The following EVC variants were observed in gnomAD, a reference collection of about 807,000 sequenced individuals.
The protein encoded by EVC is evC complex member EVC.
A neutral mutation model predicts 118.9 loss-of-function variants in EVC; 116 were observed. The observed-to-expected ratio is 0.98, with a 90% CI of 0.84 to 1.14. The LOEUF is 1.14. Among genes scored for constraint, EVC ranks in the 50% most tolerant of loss-of-function variants. The pLI is 0.00. For missense variants in EVC, 1,401 were observed against 1,246.4 expected, an observed-to-expected ratio of 1.12 and a Z score of -1.87; for synonymous variants, 619 against 534.7, an observed-to-expected ratio of 1.16 and a Z score of -2.18.
At position 5,753,286 on chromosome 4, in the gene EVC, A is replaced by T. The variant is rs553072749; in HGVS notation, c.1315+234A>T. Among the ~76,000 whole-genome samples, 6 of 152,310 alleles carry T rather than the reference A, an allele frequency of 3.9e-5. No homozygotes were observed. The South Asian group carries it at 1.2e-3, about 32-fold the overall frequency. ...GCCCAGGGCAGGGGTCACCTGCTGC[A>T]CTCACTCACCAGGGATTCCGGCTGA... On this transcript the variant is annotated intron_variant, in intron 9 of 20. Coordinates refer to ENST00000264956, the MANE Select transcript of EVC (RefSeq NM_153717.3).
intron 16 of EVC, among the ~76,000 whole-genome samples, chr4:5,804,136 C>T (rs1253827856): frequency 6.6e-6 from 1 of 152,128 alleles, no homozygotes; most frequent in Non-Finnish European, 1.5e-5. Flanking sequence ...CAGGGTTTCA[C>T]CATGTTGGCC....
chr4:5,767,160 G>A (rs1480083219), intron 11 of EVC, among the ~76,000 whole-genome samples: 5 of 151,956 alleles, frequency 3.3e-5, no homozygotes, highest in South Asian at 2.1e-4. Context: ...GTACCCTGCT[G>A]TGTGAGGTGT....
chr4:5,793,911 T>G (rs891253043), intron 13 of EVC, among the ~76,000 whole-genome samples, 194 bp downstream of exon 13: 2 of 152,232 alleles, frequency 1.3e-5, no homozygotes, highest in Non-Finnish European at 2.9e-5. Context: ...TAGAGTTGTC[T>G]GTCATAGGAA....
chr4:5,809,434 G>T lies in EVC; in HGVS notation c.2689-84G>T. 4 of 1,218,632 alleles carry T rather than the reference G, an allele frequency of 3.3e-6. 1 individual carries two copies. The South Asian group carries it at 4.8e-5, about 15-fold the overall frequency. 75.5% of individuals were successfully genotyped at this position (1,218,632 alleles called of 1,614,324 possible). A position where few individuals can be genotyped will look rare whatever the true frequency, so the allele number is the denominator to read the frequency against. On this transcript the variant is annotated intron_variant, in intron 18 of 20. Coordinates refer to ENST00000264956, the MANE Select transcript of EVC (RefSeq NM_153717.3). ...CGTGGTCTTCAGTGGCCAGCCTCAA[G>T]TGTCAGAATTCACTCACGTGGAGAG...
chr4:5,775,176 C>A (rs192698531), intron 11 of EVC, among the ~76,000 whole-genome samples: 2 of 152,256 alleles, frequency 1.3e-5, no homozygotes, highest in Admixed American at 1.3e-4. Flanking sequence ...TGTCTCCTGG[C>A]AGAAAATTGG....
the EVC span, among the ~76,000 whole-genome samples, chr4:5,828,973 G>T: frequency 1.3e-5 from 2 of 152,014 alleles, no homozygotes; most frequent in Admixed American, 6.6e-5. Flanking sequence ...GACTGTACTG[G>T]ACATAAAAAT....
intron 15 of EVC, 100 bp from the exon 16 acceptor site, chr4:5,801,850 A>T: frequency 7.3e-7 from 1 of 1,376,958 alleles, no homozygotes; most frequent in Non-Finnish European, 1.0e-6. Context: ...AGTAGGTGGA[A>T]GATCTGAACC....
chr4:5,770,718 A>G (rs1023295324), intron 11 of EVC, among the ~76,000 whole-genome samples: 1 of 152,176 alleles, frequency 6.6e-6, no homozygotes, highest in East Asian at 1.9e-4. Flanking sequence ...CAGTTAATGT[A>G]TTAATGAATT....
At chr4:5,750,586 C>T (rs942267467) in intron 8 of EVC, among the ~76,000 whole-genome samples, 2 of 152,178 alleles carry the variant, frequency 1.3e-5, no homozygotes, top group African/African-American at 4.8e-5. Context: ...AATTTAACCT[C>T]TCTGTGATTT....
chr4:5,805,800 A>G (rs990860216), intron 17 of EVC, among the ~76,000 whole-genome samples: 2 of 151,952 alleles, frequency 1.3e-5, no homozygotes, highest in African/African-American at 4.8e-5. Flanking sequence ...AAGGGGGTGC[A>G]TGAGCCCATC....
At chr4:5,723,011 G>T (rs900940453) in intron 2 of EVC, among the ~76,000 whole-genome samples, 7 of 152,064 alleles carry the variant, frequency 4.6e-5, no homozygotes, top group Non-Finnish European at 1.0e-4. Context: ...TTCATCCCCT[G>T]GCAGAGACCA....
chr4:5,750,003 AGTT>A (rs1730107989), intron 8 of EVC, among the ~76,000 whole-genome samples: 1 of 152,088 alleles, frequency 6.6e-6, no homozygotes, highest in South Asian at 2.1e-4. Context: ...ACATCCACAC[AGTT>A]GTTTGAGAAC....
chr4:5,729,953 T>A (rs1726516929), intron 3 of EVC, among the ~76,000 whole-genome samples: 1 of 152,232 alleles, frequency 6.6e-6, no homozygotes, highest in Non-Finnish European at 1.5e-5. Context: ...ACACCTTCCA[T>A]GGCGCTTCCA....
At position 5,754,435 on chromosome 4, in the gene EVC, A is replaced by G. The variant is rs1254936987; in HGVS notation, c.1464+502A>G. ...TCAGAGGTACCCTTGGTCTTGCCTGAGAAGGGGACAAGAAGACCTGAAGGA... is the reference window on the plus strand; with the variant it reads ...TCAGAGGTACCCTTGGTCTTGCCTGGGAAGGGGACAAGAAGACCTGAAGGA... On this transcript the variant is annotated intron_variant, in intron 10 of 20. Transcript: ENST00000264956. This position sits in a 1 kb window ranked among gnomAD's most constrained non-coding sequence, Gnocchi z 5.8. 2.0e-5 allele frequency among the ~76,000 whole-genome samples: 3 copies of G among 152,112 alleles called. No homozygotes were observed. The highest frequency in any genetic ancestry group is 2.0e-4 in the Admixed American group (3 of 15,278).
In EVC at chr4:5,797,363, C is replaced by T. The variant is rs527938304; in HGVS notation, c.2097+131C>T. 302 of 782,402 alleles carry T rather than the reference C, an allele frequency of 3.9e-4. 1 individual carries two copies. In the South Asian group the frequency reaches 3.9e-3, roughly 10 times the overall value. 48.5% of individuals were successfully genotyped at this position (782,402 alleles called of 1,614,324 possible). A position where few individuals can be genotyped will look rare whatever the true frequency, so the allele number is the denominator to read the frequency against. On this transcript the variant is annotated intron_variant, in intron 14 of 20. Coordinates refer to ENST00000264956, the MANE Select transcript of EVC (RefSeq NM_153717.3). ...GCTGCAGGGTGCGGTATTCATTCGC[C>T]GGGGCTGCCATAGCAAGGTCCCACA...
intron 11 of EVC, among the ~76,000 whole-genome samples, chr4:5,772,469 C>T (rs1404061766): frequency 6.6e-6 from 1 of 152,094 alleles, no homozygotes; most frequent in East Asian, 1.9e-4. Context: ...GGCTACCTTC[C>T]TTTTAAGTTC....
chr4:5,818,673 C>T (rs960193824), downstream of EVC, among the ~76,000 whole-genome samples: 8 of 152,180 alleles, frequency 5.3e-5, no homozygotes, highest in Admixed American at 1.3e-4. Flanking sequence ...ACTCAGCCCC[C>T]TCACCATGTG....
intron 11 of EVC, among the ~76,000 whole-genome samples, chr4:5,777,191 C>G (rs1734834636): frequency 1.3e-5 from 2 of 152,184 alleles, no homozygotes; most frequent in African/African-American, 4.8e-5. Context: ...TTGCTTTTGT[C>G]AGATATCAGC....
chr4:5,739,400 A>G (rs917117667), intron 5 of EVC, among the ~76,000 whole-genome samples: 1 of 152,212 alleles, frequency 6.6e-6, no homozygotes, highest in Non-Finnish European at 1.5e-5. Context: ...GCTCTGTCGC[A>G]TGTGGCTGTG....
Sources: gnomAD v4.1 joint callset for allele counts (sites outside exome capture counted in the v4.1 genomes callset) on GRCh38, gnomAD v4.1.1 for gene constraint, Gnocchi (gnomAD v3.1) non-coding constraint, MANE v1.5 for transcripts, NCBI Gene and HGNC (gene_info 2026-07-23, HGNC 2026-07-21) for gene names.